The following PCDHGA9 variants were observed in gnomAD, a reference collection of about 807,000 sequenced individuals.
PCDHGA9 encodes protocadherin gamma subfamily A, 9.
Under a neutral mutation model 62.5 loss-of-function variants are expected in PCDHGA9, and 37 were observed. The observed-to-expected ratio is 0.59, with a 90% CI of 0.46 to 0.78. The LOEUF is 0.78. Among genes scored for constraint, PCDHGA9 ranks in the 30% least tolerant of loss-of-function variants. PCDHGA9 has a pLI of 0.00. For synonymous variants in PCDHGA9, 459 were observed against 484.6 expected (o/e 0.95, Z 0.69); for missense variants, 1,138 against 1,166.2 (o/e 0.98, Z 0.35).
chr5:141,415,893 A>G, intron 1 of PCDHGA9: 2 of 904,826 alleles, frequency 2.2e-6, no homozygotes, highest in Non-Finnish European at 3.0e-6. Flanking sequence ...GACAATTCCT[A>G]AGACAGACTT....
chr5:141,504,379 G>T (rs181617363), intron 2 of PCDHGA9, among the ~76,000 whole-genome samples: 1 of 152,088 alleles, frequency 6.6e-6, no homozygotes, highest in African/African-American at 2.4e-5. Context: ...AGGTGGAGTC[G>T]CTGCCTCACA....
chr5:141,402,863 A>C lies in PCDHGA9; in HGVS notation c.-90A>C. 1.2e-5 allele frequency: 17 copies of C among 1,429,924 alleles called. No homozygotes were observed. Among genetic ancestry groups the C allele is most frequent in the Non-Finnish European group, 1.6e-5 (17 of 1,088,118 alleles). The allele number at this position is 1,429,924 out of a possible 1,614,324, so 88.6% of individuals were successfully genotyped here. A position where few individuals can be genotyped will look rare whatever the true frequency, so the allele number is the denominator to read the frequency against. On this transcript the variant is annotated 5_prime_UTR_variant, in exon 1 of 4. Transcript: ENST00000573521. The stretch of plus-strand genomic sequence containing the variant: ...ACTCAGCCTCTTTCTTCTAAGGAAA[A>C]GATCACCATACTTTGCAGGGTGGAA...
Position 141,511,309 on chromosome 5 carries a change from G to C in PCDHGA9, c.*136G>C. The stretch of plus-strand genomic sequence containing the variant: ...GGGGCCAAGGCCATGCTCCCCTTGG[G>C]AAACAGAAACAAGTGCCCAGTCAGC... On this transcript the variant is annotated 3_prime_UTR_variant, in exon 4 of 4. Coordinates refer to ENST00000573521, the MANE Select transcript of PCDHGA9 (RefSeq NM_018921.3). 4.0e-6 allele frequency: 6 copies of C among 1,485,470 alleles called. No homozygotes were observed. Among genetic ancestry groups the C allele is most frequent in the Non-Finnish European group, 4.5e-6 (5 of 1,113,432 alleles). 92.0% of individuals were successfully genotyped at this position (1,485,470 alleles called of 1,614,324 possible).
intron 1 of PCDHGA9, chr5:141,409,633 TG>T: frequency 6.2e-7 from 1 of 1,613,852 alleles, no homozygotes; most frequent in Non-Finnish European, 8.5e-7. Context: ...TGAGCGCCTC[TG>T]ACCCGGATTT....
intron 1 of PCDHGA9, chr5:141,427,942 T>C (rs1561832592): frequency 6.3e-7 from 1 of 1,586,106 alleles, no homozygotes; most frequent in Non-Finnish European, 8.6e-7. Context: ...GTGGGCGACC[T>C]CAATGACAAT....
rs553104661 is a variant in PCDHGA9 at position 141,460,009 on chromosome 5, C to T, written c.2425-34798C>T. ...AGGAGAATCGCTTGAACCCAGGAGG[C>T]GGAGGTTGCAGTGAGCCGAGACTGC... On this transcript the variant is annotated intron_variant, in intron 1 of 3. Coordinates refer to ENST00000573521, the MANE Select transcript of PCDHGA9 (RefSeq NM_018921.3). 9.9e-4 allele frequency among the ~76,000 whole-genome samples: 150 copies of T among 152,212 alleles called. 1 individual carries two copies. The highest frequency in any genetic ancestry group is 3.4e-3 in the Middle Eastern group (1 of 294).
chr5:141,438,581 TAC>T (rs2097976954), intron 1 of PCDHGA9, among the ~76,000 whole-genome samples: 6 of 49,834 alleles, frequency 1.2e-4, no homozygotes, highest in African/African-American at 7.2e-4. Flanking sequence ...TATACATACA[TAC>T]ATACATACAT....
intron 1 of PCDHGA9, chr5:141,442,111 C>A: frequency 6.0e-6 from 1 of 166,354 alleles, no homozygotes; most frequent in Non-Finnish European, 1.3e-5. Context: ...CACTACCGCC[C>A]CTCGTCGCCG....
intron 1 of PCDHGA9, among the ~76,000 whole-genome samples, chr5:141,436,162 G>A (rs1036923915): frequency 2.6e-5 from 4 of 152,142 alleles, no homozygotes; most frequent in African/African-American, 7.2e-5. Flanking sequence ...TTTATCATAT[G>A]GACAGTTCTC....
chr5:141,431,770 T>A lies in PCDHGA9; in HGVS notation c.2424+26394T>A, dbSNP rs748816389. 7 of 1,614,086 alleles carry A rather than the reference T, an allele frequency of 4.3e-6. No homozygotes were observed. The highest frequency in any genetic ancestry group is 1.3e-5 in the African/African-American group (1 of 74,938). ...CGCGAGCCAAAGTCCTGATCACTGT[T>A]CTGGACGTGAACGACAATGCCCCAG... On this transcript the variant is annotated intron_variant, in intron 1 of 3. Coordinates refer to ENST00000573521, the MANE Select transcript of PCDHGA9 (RefSeq NM_018921.3). This position sits in a 1 kb window ranked among gnomAD's most constrained non-coding sequence, Gnocchi z 4.8.
At chr5:141,434,785 T>A (rs7727021) in intron 1 of PCDHGA9, among the ~76,000 whole-genome samples, 45,585 of 150,884 alleles carry the variant, frequency 0.3, 8,100 homozygotes, top group African/African-American at 0.51. Context: ...AAAAAAAAAA[T>A]TTTTTTTTCT....
At position 141,403,465 on chromosome 5, in the gene PCDHGA9, G is replaced by C. The variant is rs1268345736; in HGVS notation, c.513G>C (p.Gln171His). 6.2e-7 allele frequency: 1 copy of C among 1,614,018 alleles called. No individual in the cohort carries two copies. The highest frequency in any genetic ancestry group is 8.5e-7 in the Non-Finnish European group (1 of 1,179,904). The change falls in exon 1 of 4, where the codon CAG (glutamine) becomes CAC (histidine). Residue 171 changes from glutamine (Q) to histidine (H), a missense_variant. Transcript: ENST00000573521. Reference sequence around the variant, plus strand: ...GCGTGAACTCCCTCCAGAGCTACCAGCTCAGCCCCAATCACCACTTCTCCC... The same window carrying C: ...GCGTGAACTCCCTCCAGAGCTACCACCTCAGCCCCAATCACCACTTCTCCC... ...DVGVNSLQSY[Q>H]LSPNHHFSLN... is the part of the protein sequence containing the mutation.
intron 1 of PCDHGA9, chr5:141,427,241 T>C (rs1381559575): frequency 4.4e-6 from 2 of 456,696 alleles, no homozygotes; most frequent in Admixed American, 2.3e-5. Flanking sequence ...GAGTAGAAGC[T>C]AAGGATGGTG....
chr5:141,412,918 G>A (rs893690519), intron 1 of PCDHGA9: 17 of 414,102 alleles, frequency 4.1e-5, no homozygotes, highest in Non-Finnish European at 5.5e-5. Context: ...TATCACTTGG[G>A]TGCAGTAACT....
intron 1 of PCDHGA9, among the ~76,000 whole-genome samples, chr5:141,460,445 G>A (rs896549154): frequency 7.2e-5 from 11 of 152,144 alleles, no homozygotes; most frequent in Admixed American, 5.9e-4. Flanking sequence ...AGGTAACAAT[G>A]AAGATTCATA....
At chr5:141,417,027 GGT>G (rs1491367168) in intron 1 of PCDHGA9, 2 of 134,514 alleles carry the variant, frequency 1.5e-5, no homozygotes, top group Non-Finnish European at 3.1e-5. Flanking sequence ...GAAAAATACA[GGT>G]TTTTTTTTTA....
chr5:141,438,601 T>C (rs2098005462), intron 1 of PCDHGA9, among the ~76,000 whole-genome samples: 6 of 26,284 alleles, frequency 2.3e-4, no homozygotes, highest in African/African-American at 1.3e-3. Flanking sequence ...CATATATATA[T>C]ATATATATAT....
intron 1 of PCDHGA9, chr5:141,411,158 A>T (rs1384845652): frequency 6.6e-6 from 1 of 152,212 alleles, no homozygotes; most frequent in Admixed American, 6.5e-5. Context: ...TCAAGTTCTG[A>T]CTATCGAACA....
Position 141,490,778 on chromosome 5 carries a change from A to T in PCDHGA9, c.2425-4029A>T, listed in dbSNP as rs964301520. The T allele has an allele frequency of 5.6e-6, 9 of 1,614,098 alleles. No individual in the cohort carries two copies. The highest frequency in any genetic ancestry group is 7.6e-6 in the Non-Finnish European group (9 of 1,179,962). On this transcript the variant is annotated intron_variant, in intron 1 of 3. Transcript: ENST00000573521. This position sits in a 1 kb window ranked among gnomAD's most constrained non-coding sequence, Gnocchi z 5.4. ...TCCTTTGTGTATGTCAACCCAGAGG[A>T]TGGACGGATCTTTGCCCAGCGTACC... is the stretch of plus-strand genomic sequence containing the variant.
Sources: allele counts gnomAD v4.1 joint callset (sites outside exome capture counted in the v4.1 genomes callset), GRCh38; gene constraint gnomAD v4.1.1; non-coding constraint Gnocchi (gnomAD v3.1); transcripts MANE v1.5; gene names NCBI Gene and HGNC (gene_info 2026-07-23, HGNC 2026-07-21).